The following PIBF1 variants were observed in gnomAD, a reference collection of about 807,000 sequenced individuals.
PIBF1 encodes the protein progesterone immunomodulatory binding factor 1, also known as progesterone-induced-blocking factor 1.
PIBF1 carries 90 observed loss-of-function variants against 112.5 expected under a neutral mutation model. The observed-to-expected ratio is 0.80, with a 90% CI of 0.67 to 0.95. The LOEUF is 0.95. Among genes scored for constraint, PIBF1 ranks in the 40% least tolerant of loss-of-function variants. The probability of loss-of-function intolerance (pLI) is 0.00; values close to 1 mark genes in which losing one functional copy is unlikely to be tolerated. For missense variants in PIBF1, 915 were observed against 852.3 expected, an observed-to-expected ratio of 1.07 and a Z score of -0.92; for synonymous variants, 301 against 288.6, an observed-to-expected ratio of 1.04 and a Z score of -0.44.
At chr13:72,894,699 C>T (rs933814398) in intron 11 of PIBF1, among the ~76,000 whole-genome samples, 1 of 146,734 alleles carries the variant, frequency 6.8e-6, no homozygotes, top group Non-Finnish European at 1.5e-5. Context: ...TACCGTATAG[C>T]AAAATTAAAC....
At chr13:72,872,303 G>C (rs2039201450) in intron 10 of PIBF1, among the ~76,000 whole-genome samples, 2 of 152,178 alleles carry the variant, frequency 1.3e-5, no homozygotes, top group Non-Finnish European at 2.9e-5. Context: ...TGGGTAGTTT[G>C]AGATGATAGT....
chr13:72,908,142 A>G (rs2040764561), intron 11 of PIBF1, among the ~76,000 whole-genome samples: 1 of 152,216 alleles, frequency 6.6e-6, no homozygotes, highest in Non-Finnish European at 1.5e-5. Flanking sequence ...TTGTCAGTAT[A>G]TCGTTTTTAC....
At chr13:72,910,924 T>C (rs965374548) in intron 12 of PIBF1, among the ~76,000 whole-genome samples, 1 of 152,212 alleles carries the variant, frequency 6.6e-6, no homozygotes, top group African/African-American at 2.4e-5. Context: ...TTGTGAATTC[T>C]ATCAATTCAG....
chr13:72,985,371 C>CA (rs67195605), intron 16 of PIBF1, among the ~76,000 whole-genome samples: 29,565 of 76,518 alleles, frequency 0.39, 5,348 homozygotes, highest in South Asian at 0.49. Context: ...ACTAAAAATA[C>CA]AAAAAAAAAA....
intron 10 of PIBF1, among the ~76,000 whole-genome samples, chr13:72,892,984 G>A (rs2040118878): frequency 6.6e-6 from 1 of 152,020 alleles, no homozygotes; most frequent in Non-Finnish European, 1.5e-5. Flanking sequence ...ATCTACCAAT[G>A]TATACACCTT....
At chr13:72,962,466 G>T (rs1412328133) in intron 14 of PIBF1, among the ~76,000 whole-genome samples, 2 of 152,104 alleles carry the variant, frequency 1.3e-5, no homozygotes, top group Admixed American at 6.5e-5. Flanking sequence ...GGGCATGGTG[G>T]CTCATGCTTG....
At chr13:72,902,435 T>C (rs1413556146) in intron 11 of PIBF1, among the ~76,000 whole-genome samples, 1 of 151,150 alleles carries the variant, frequency 6.6e-6, no homozygotes, top group African/African-American at 2.4e-5. Context: ...AAAAAAGAAT[T>C]GATTGTTGGC....
intron 2 of PIBF1, among the ~76,000 whole-genome samples, chr13:72,789,717 G>T (rs2034798112): frequency 6.6e-6 from 1 of 151,788 alleles, no homozygotes; most frequent in African/African-American, 2.4e-5. Flanking sequence ...AAATATTTCA[G>T]ATTTTTGATT....
chr13:72,937,619 A>G (rs1318159611), intron 14 of PIBF1, among the ~76,000 whole-genome samples: 1 of 152,196 alleles, frequency 6.6e-6, no homozygotes, highest in Non-Finnish European at 1.5e-5. Context: ...CAGTAGTTTG[A>G]AACCAGCCTG....
chr13:73,007,580 C>T (rs985077992), intron 17 of PIBF1, among the ~76,000 whole-genome samples: 10 of 152,074 alleles, frequency 6.6e-5, no homozygotes, highest in African/African-American at 2.2e-4. Flanking sequence ...GAGGCCAAGG[C>T]GGGCAGATCA....
rs1337352622 is a variant in PIBF1 at position 72,958,311 on chromosome 13, A to G, written c.1834-6963A>G. 2.4e-3 allele frequency among the ~76,000 whole-genome samples: 27 copies of G among 11,098 alleles called. No individual in the cohort carries two copies. The East Asian group carries it at 0.2, about 82-fold the overall frequency. 7.3% of individuals were successfully genotyped at this position (11,098 alleles called of 152,430 possible). On this transcript the variant is annotated intron_variant, in intron 14 of 17. Transcript: ENST00000326291. Reference sequence around the variant, plus strand: ...GATGACAAAGCAAGACCCTATCTCAAAAAAAAAAAAAAAAAAAAAAAAGGA... The same window carrying G: ...GATGACAAAGCAAGACCCTATCTCAGAAAAAAAAAAAAAAAAAAAAAAGGA...
At chr13:72,865,302 G>A (rs1401394394) in intron 10 of PIBF1, among the ~76,000 whole-genome samples, 2 of 152,126 alleles carry the variant, frequency 1.3e-5, no homozygotes, top group African/African-American at 4.8e-5. Context: ...TTTTCTGTAA[G>A]CCATTCAGGC....
Position 72,965,386 on chromosome 13 carries a change from A to G in PIBF1, c.1946A>G (p.Gln649Arg). ...KIDSLTESIA[Q>R]LEKDVSNLNK... Reference sequence around the variant, plus strand: ...GATTCACTGACGGAATCTATTGCACAACTTGAGAAAGATGTCAGGTAAACC... The same window carrying G: ...GATTCACTGACGGAATCTATTGCACGACTTGAGAAAGATGTCAGGTAAACC... Residue 649 changes from glutamine (Q) to arginine (R), a missense_variant, in exon 15 of 18, where the codon CAA becomes CGA. Coordinates refer to ENST00000326291, the MANE Select transcript of PIBF1 (RefSeq NM_006346.4). 1 of 1,608,796 alleles carries G rather than the reference A, an allele frequency of 6.2e-7. No homozygotes were observed. The highest frequency in any genetic ancestry group is 1.7e-4 in the Middle Eastern group (1 of 6,048).
intron 11 of PIBF1, among the ~76,000 whole-genome samples, chr13:72,894,908 T>G (rs2040217100): frequency 6.6e-6 from 1 of 151,580 alleles, no homozygotes; most frequent in Non-Finnish European, 1.5e-5. Context: ...GTGGATCACC[T>G]GAGGTCAGGA....
At chr13:72,988,639 A>G (rs2043379626) in intron 16 of PIBF1, among the ~76,000 whole-genome samples, 1 of 152,164 alleles carries the variant, frequency 6.6e-6, no homozygotes, top group Non-Finnish European at 1.5e-5. Flanking sequence ...TTAAAGTTAT[A>G]TTTTCTTTTA....
chr13:72,880,257 C>T (rs1424095214), intron 10 of PIBF1, among the ~76,000 whole-genome samples: 1 of 152,158 alleles, frequency 6.6e-6, no homozygotes, highest in Non-Finnish European at 1.5e-5. Flanking sequence ...AAATCAAATT[C>T]TGTGCTTCCA....
intron 10 of PIBF1, among the ~76,000 whole-genome samples, chr13:72,878,748 T>G (rs1442485508): frequency 6.6e-6 from 1 of 152,174 alleles, no homozygotes; most frequent in Non-Finnish European, 1.5e-5. Flanking sequence ...TAGTAGTAGA[T>G]TCATGTATTT....
chr13:72,987,850 A>ATTTTTTTT (rs1160979996), intron 16 of PIBF1, among the ~76,000 whole-genome samples: 12 of 66,430 alleles, frequency 1.8e-4, no homozygotes, highest in African/African-American at 5.3e-4. Flanking sequence ...TTATTTATTT[A>ATTTTTTTT]TTTATTTATT....
At chr13:72,822,105 C>A in intron 6 of PIBF1, 123 bp downstream of exon 6, 2 of 825,934 alleles carry the variant, frequency 2.4e-6, no homozygotes, top group South Asian at 2.4e-5. Flanking sequence ...TGCACAAATG[C>A]ATGCAGTTTT....
Sources: gnomAD v4.1 joint callset for allele counts (sites outside exome capture counted in the v4.1 genomes callset) on GRCh38, gnomAD v4.1.1 for gene constraint, MANE v1.5 for transcripts, NCBI Gene and HGNC (gene_info 2026-07-23, HGNC 2026-07-21) for gene names.